Variants in PCNT observed in about 807,000 individuals in gnomAD.
The protein encoded by PCNT is kendrin.
In PCNT, 319 loss-of-function variants were observed where a neutral mutation model predicts 380.4. The ratio of observed to expected loss-of-function variants is 0.84; its 90% CI spans 0.77 to 0.92. The LOEUF is 0.92. PCNT is among the 40% of genes least tolerant of loss of function. The pLI is 0.00. For synonymous variants in PCNT, 1,845 were observed against 1,735.2 expected (o/e 1.06, Z -1.57); for missense variants, 4,400 against 4,255.3 (o/e 1.03, Z -0.95).
chr21:46,329,984 T>C (rs1349935699), intron 2 of PCNT, among the ~76,000 whole-genome samples: 2 of 152,184 alleles, frequency 1.3e-5, no homozygotes, highest in African/African-American at 4.8e-5. Context: ...ATACCTCCTC[T>C]TCCTGTCCAT....
In PCNT at chr21:46,356,169, G is replaced by A. The variant is rs184091170; in HGVS notation, c.1936+543G>A. On this transcript the variant is annotated intron_variant, in intron 12 of 46. Coordinates refer to ENST00000359568, the MANE Select transcript of PCNT (RefSeq NM_006031.6). ...CTGACGGGTTCCAGGAGGGGCAGGC[G>A]GCCCTGGCCACTGGCGTGGACTGTG... 2.2e-3 allele frequency among the ~76,000 whole-genome samples: 342 copies of A among 152,336 alleles called. 6 individuals are homozygous for A. Among genetic ancestry groups the A allele is most frequent in the Admixed American group, 0.019 (284 of 15,300 alleles).
chr21:46,440,112 C>A lies in PCNT; in HGVS notation c.9303C>A (p.Asp3101Glu), dbSNP rs371694617. Residue 3101 changes from aspartate (D) to glutamate (E), a missense_variant, in exon 42 of 47, where the codon GAC becomes GAA. By Grantham distance (45) the Asp-to-Glu change is conservative. Coordinates refer to ENST00000359568, the MANE Select transcript of PCNT (RefSeq NM_006031.6). Reference protein sequence around the residue: ...SRSERSAWKPDETAPQSSLRR... With the variant: ...SRSERSAWKPEETAPQSSLRR... ...CGGAAAGGTCTGCTTGGAAGCCAGACGAAACGGCTCCACAGAGTTCCCTGA... is the reference window on the plus strand; with the variant it reads ...CGGAAAGGTCTGCTTGGAAGCCAGAAGAAACGGCTCCACAGAGTTCCCTGA... The A allele has an allele frequency of 6.2e-7, 1 of 1,614,028 alleles. No individual in the cohort carries two copies. The highest frequency in any genetic ancestry group is 1.3e-5 in the African/African-American group (1 of 74,916).
chr21:46,424,847 CGT>C (rs1165096346), intron 32 of PCNT, among the ~76,000 whole-genome samples: 3 of 151,540 alleles, frequency 2.0e-5, no homozygotes, highest in Non-Finnish European at 1.5e-5. Flanking sequence ...GTGCCACATA[CGT>C]TATGTTTAAA....
chr21:46,421,570 G>A (rs559194656), intron 31 of PCNT, among the ~76,000 whole-genome samples: 4 of 152,322 alleles, frequency 2.6e-5, no homozygotes, highest in African/African-American at 7.2e-5. Flanking sequence ...ATGCCCGTCC[G>A]CTGCCTGCCT....
chr21:46,369,504 C>G (rs1244942887), intron 15 of PCNT, among the ~76,000 whole-genome samples: 3 of 152,240 alleles, frequency 2.0e-5, no homozygotes, highest in Admixed American at 1.3e-4. Context: ...CTTTCGTTCC[C>G]AGTTTTGATC....
chr21:46,365,192 C>T (rs537426485), intron 14 of PCNT, among the ~76,000 whole-genome samples: 19 of 151,966 alleles, frequency 1.3e-4, no homozygotes, highest in South Asian at 6.2e-4. Flanking sequence ...TCCTCACTGC[C>T]GTGGGGTTCT....
chr21:46,378,022 C>T (rs1005541476), intron 15 of PCNT, among the ~76,000 whole-genome samples: 4 of 152,134 alleles, frequency 2.6e-5, no homozygotes, highest in African/African-American at 9.7e-5. Context: ...GGTTGGCGCA[C>T]GTTGTAGCAT....
At chr21:46,339,419 A>G (rs2083852689) in intron 3 of PCNT, among the ~76,000 whole-genome samples, 2 of 152,234 alleles carry the variant, frequency 1.3e-5, no homozygotes, top group Admixed American at 6.5e-5. Flanking sequence ...AGATAGACAT[A>G]TAAAGGGGAG....
At chr21:46,393,042 C>T (rs1385206534) in intron 21 of PCNT, among the ~76,000 whole-genome samples, 1 of 152,180 alleles carries the variant, frequency 6.6e-6, no homozygotes, top group Non-Finnish European at 1.5e-5. Flanking sequence ...GGCCCTTGCT[C>T]GGGGGTGGAT....
rs1026573136 is a variant in PCNT at position 46,445,308 on chromosome 21, AC to A, written c.9995del (p.Pro3332ArgfsTer2). 1.2e-6 allele frequency: 2 copies of A among 1,609,158 alleles called. No individual in the cohort carries two copies. Among genetic ancestry groups the A allele is most frequent in the Admixed American group, 1.7e-5 (1 of 60,020 alleles). On this transcript the variant is annotated frameshift_variant, in exon 47 of 47. Coordinates refer to ENST00000359568, the MANE Select transcript of PCNT (RefSeq NM_006031.6). LOFTEE classifies it high-confidence loss of function. ...LPDSTSKKSC[H>X]PMIKQ ...GATTCTACTTCAAAGAAATCCTGCCACCCGATGATTAAACAGTGAATAAAAT... is the reference window on the plus strand; with the variant it reads ...GATTCTACTTCAAAGAAATCCTGCCACCGATGATTAAACAGTGAATAAAAT...
intron 17 of PCNT, among the ~76,000 whole-genome samples, chr21:46,387,202 G>A (rs953392620): frequency 1.3e-5 from 2 of 152,240 alleles, no homozygotes; most frequent in Admixed American, 1.3e-4. Context: ...CTGTCATGCT[G>A]AGGGTCCATC....
chr21:46,413,650 G>T (rs1226419348), intron 29 of PCNT, among the ~76,000 whole-genome samples: 1 of 152,242 alleles, frequency 6.6e-6, no homozygotes, highest in Admixed American at 6.5e-5. Flanking sequence ...CTTTTCATGG[G>T]AGGACCACAT....
intron 5 of PCNT, 56 bp downstream of exon 5, chr21:46,347,054 G>C: frequency 1.9e-6 from 3 of 1,560,842 alleles, no homozygotes; most frequent in Non-Finnish European, 2.6e-6. Context: ...GGGCATTCTA[G>C]TGCCTGTTCC....
At chr21:46,423,764 A>AG (rs2087361674) in intron 32 of PCNT, among the ~76,000 whole-genome samples, 2 of 80,022 alleles carry the variant, frequency 2.5e-5, no homozygotes, top group African/African-American at 4.7e-5. Flanking sequence ...GAGGAAGAGA[A>AG]GGGAGGGGGA....
Position 46,411,608 on chromosome 21 carries a change from G to A in PCNT, c.5535G>A (p.Arg1845=), listed in dbSNP as rs61735543. 0.023 allele frequency: 36,653 copies of A among 1,613,006 alleles called. 1,587 individuals are homozygous for A. The highest frequency in any genetic ancestry group is 0.18 in the African/African-American group (13,152 of 74,992). ...LAELERNVAL[R]EAEVEDMASR... ...AGCTGGAGCGCAATGTAGCCCTCAGGGAGGCTGAGGTCGAAGACATGGCCT... is the reference window on the plus strand; with the variant it reads ...AGCTGGAGCGCAATGTAGCCCTCAGAGAGGCTGAGGTCGAAGACATGGCCT... The change falls in exon 28 of 47, where the codon AGG becomes AGA. Residue 1845 remains arginine (R), a synonymous_variant. Transcript: ENST00000359568.
chr21:46,427,806 G>A lies in PCNT; in HGVS notation c.7494+11G>A. On this transcript the variant is annotated intron_variant, in intron 34 of 46. Coordinates refer to ENST00000359568, the MANE Select transcript of PCNT (RefSeq NM_006031.6). Reference sequence around the variant, plus strand: ...ATCATCCGTGAGCAGGTGAGTGTCAGCTCTGCCACCAGGCCTCAGTTTGCC... The same window carrying A: ...ATCATCCGTGAGCAGGTGAGTGTCAACTCTGCCACCAGGCCTCAGTTTGCC... 6.2e-7 allele frequency: 1 copy of A among 1,612,932 alleles called. No homozygotes were observed. The highest frequency in any genetic ancestry group is 8.5e-7 in the Non-Finnish European group (1 of 1,179,942).
At position 46,416,311 on chromosome 21, in the gene PCNT, C is replaced by T; in HGVS notation, c.6393C>T (p.Ala2131=). ...CACCCCACATAGACACATGTGATGCCAATACAGCCACGGGGGGTGTAACTG... is the reference window on the plus strand; with the variant it reads ...CACCCCACATAGACACATGTGATGCTAATACAGCCACGGGGGGTGTAACTG... ...DISPHIDTCD[A]NTATGGVTDV... is the part of the protein sequence containing the mutation. Residue 2131 remains alanine (A), a synonymous_variant, in exon 30 of 47, where the codon GCC becomes GCT. Transcript: ENST00000359568. 1.9e-6 allele frequency: 3 copies of T among 1,613,906 alleles called. No homozygotes were observed. The highest frequency in any genetic ancestry group is 1.7e-6 in the Non-Finnish European group (2 of 1,179,894).
Position 46,367,012 on chromosome 21 carries a change from C to T in PCNT, c.3038C>T (p.Thr1013Ile), listed in dbSNP as rs777758638. ...KKDSLHQTIL[T>I]QELEKLKRKH... is the part of the protein sequence containing the mutation. ...GACTCTCTTCACCAAACGATTTTGA[C>T]TCAAGAGTTGGAGAAACTGAAGCGG... is the stretch of plus-strand genomic sequence containing the variant. The change falls in exon 15 of 47, where the codon ACT becomes ATT. Residue 1013 changes from threonine to isoleucine, a missense_variant. By Grantham distance (89) the Thr-to-Ile change is moderately conservative. Transcript: ENST00000359568. 2 of 1,614,152 alleles carry T rather than the reference C, an allele frequency of 1.2e-6. No homozygotes were observed. Among genetic ancestry groups the T allele is most frequent in the Non-Finnish European group, 1.7e-6 (2 of 1,180,030 alleles).
chr21:46,435,931 G>T lies in PCNT; in HGVS notation c.8779G>T (p.Asp2927Tyr). ...LRELELQRQR[D>Y]LHKIKQLQQT... ...AGAATTAGAACTGCAGCGTCAGCGT[G>T]ACTTGCATAAGATCAAGCAGCTTCA... Residue 2927 changes from aspartate (D) to tyrosine (Y), a missense_variant, in exon 39 of 47, where the codon GAC (aspartate) becomes TAC (tyrosine). By Grantham distance (160) the Asp-to-Tyr change is radical. Coordinates refer to ENST00000359568, the MANE Select transcript of PCNT (RefSeq NM_006031.6). 6.2e-7 allele frequency: 1 copy of T among 1,614,202 alleles called. No individual in the cohort carries two copies.
Sources: allele counts gnomAD v4.1 joint callset (sites outside exome capture counted in the v4.1 genomes callset), GRCh38; gene constraint gnomAD v4.1.1; transcripts MANE v1.5; gene names NCBI Gene and HGNC (gene_info 2026-07-23, HGNC 2026-07-21).